Variants in ZNF831 observed in about 807,000 individuals in gnomAD.
ZNF831 encodes chromosome 20 open reading frame 174.
In ZNF831, 59 loss-of-function variants were observed where a neutral mutation model predicts 95.8. The observed-to-expected ratio is 0.62, with a 90% confidence interval of 0.50 to 0.77. The LOEUF (loss-of-function observed/expected upper bound fraction) is 0.77. ZNF831 is among the 30% of genes least tolerant of loss of function. The pLI, the probability that ZNF831 is intolerant of heterozygous loss-of-function variation, is 0.00. For missense variants in ZNF831, 2,205 were observed against 2,164.0 expected, an observed-to-expected ratio of 1.02 and a Z score of -0.38; for synonymous variants, 961 against 925.5, an observed-to-expected ratio of 1.04 and a Z score of -0.70.
Position 59,191,652 on chromosome 20 carries a change from C to T in ZNF831, c.633C>T (p.Gly211=), listed in dbSNP as rs2146551181. ...RLSSESEGAG[G]GLLEEGDKAG... Reference sequence around the variant, plus strand: ...CCTCAGAGTCCGAGGGCGCCGGGGGCGGCCTCCTGGAGGAAGGGGACAAGG... The same window carrying T: ...CCTCAGAGTCCGAGGGCGCCGGGGGTGGCCTCCTGGAGGAAGGGGACAAGG... The change falls in exon 2 of 6, where the codon GGC becomes GGT. Residue 211 remains glycine (G), a synonymous_variant. Coordinates refer to ENST00000371030, the MANE Select transcript of ZNF831 (RefSeq NM_178457.3). 2 of 1,562,182 alleles carry T rather than the reference C, an allele frequency of 1.3e-6. No homozygotes were observed. The highest frequency in any genetic ancestry group is 1.7e-6 in the Non-Finnish European group (2 of 1,153,956).
intron 4 of ZNF831, among the ~76,000 whole-genome samples, chr20:59,239,711 G>A (rs573051061): frequency 8.6e-5 from 13 of 152,040 alleles, no homozygotes; most frequent in African/African-American, 3.1e-4. Context: ...CGCCTGGCTA[G>A]TTTTTGTATT....
In ZNF831 at chr20:59,194,592, T is replaced by C. The variant is rs1450113039; in HGVS notation, c.3573T>C (p.Ser1191=). 1 of 1,611,414 alleles carries C rather than the reference T, an allele frequency of 6.2e-7. No homozygotes were observed. Among genetic ancestry groups the C allele is most frequent in the South Asian group, 1.1e-5 (1 of 90,778 alleles). ...TCACGTGGTGTTGCCTGAGCCGCAG[T>C]GTCCCTCTGCCCGCGGAGCAGAAGG... ...PRLTWCCLSR[S]VPLPAEQKAK... is the part of the protein sequence containing the mutation. Residue 1191 remains serine, a synonymous_variant, in exon 2 of 6, where the codon AGT becomes AGC. Coordinates refer to ENST00000371030, the MANE Select transcript of ZNF831 (RefSeq NM_178457.3).
chr20:59,196,635 A>G (rs1211833833), intron 3 of ZNF831, among the ~76,000 whole-genome samples: 3 of 151,678 alleles, frequency 2.0e-5, no homozygotes, highest in African/African-American at 4.8e-5. Context: ...TTCTACCCTC[A>G]TTTTCCCTGT....
intron 4 of ZNF831, among the ~76,000 whole-genome samples, chr20:59,244,267 A>T (rs1267484134): frequency 2.6e-5 from 4 of 152,222 alleles, no homozygotes; most frequent in Admixed American, 6.5e-5. Context: ...ATTTGGCTAG[A>T]GGTGGAAAAA....
intron 1 of ZNF831, among the ~76,000 whole-genome samples, chr20:59,142,511 G>A (rs149769146): frequency 6.6e-6 from 1 of 152,202 alleles, no homozygotes; most frequent in South Asian, 2.1e-4. Flanking sequence ...CGTAGCCGTG[G>A]AAGAGCACAA....
chr20:59,150,042 T>C (rs1980135642), intron 2 of ZNF831, among the ~76,000 whole-genome samples: 1 of 152,232 alleles, frequency 6.6e-6, no homozygotes, highest in Admixed American at 6.5e-5. Context: ...ACGGGCTCTG[T>C]TGATAAAAAC....
intron 1 of ZNF831, among the ~76,000 whole-genome samples, chr20:59,186,292 G>A (rs1014249603): frequency 6.6e-6 from 1 of 152,128 alleles, no homozygotes; most frequent in Non-Finnish European, 1.5e-5. Flanking sequence ...AACCCACCCC[G>A]AGACAGCATC....
At chr20:59,180,244 T>C (rs1982505936) in intron 1 of ZNF831, among the ~76,000 whole-genome samples, 1 of 152,080 alleles carries the variant, frequency 6.6e-6, no homozygotes, top group Non-Finnish European at 1.5e-5. Context: ...TGTACCACCA[T>C]GCCTGCCTAA....
chr20:59,162,549 G>A (rs919737499), upstream of ZNF831, among the ~76,000 whole-genome samples: 3 of 152,128 alleles, frequency 2.0e-5, no homozygotes, highest in Non-Finnish European at 2.9e-5. Context: ...TGAATAGGGG[G>A]TCCTTTCTTT....
At chr20:59,129,797 G>A (rs1054100844) in intron 1 of ZNF831, among the ~76,000 whole-genome samples, 2 of 152,176 alleles carry the variant, frequency 1.3e-5, no homozygotes, top group African/African-American at 2.4e-5. Context: ...ACGGTGTGCA[G>A]GATTGGCCTT....
At position 59,194,228 on chromosome 20, in the gene ZNF831, G is replaced by T; in HGVS notation, c.3209G>T (p.Gly1070Val). 6.2e-7 allele frequency: 1 copy of T among 1,613,744 alleles called. No individual in the cohort carries two copies. Among genetic ancestry groups the T allele is most frequent in the Non-Finnish European group, 8.5e-7 (1 of 1,179,878 alleles). Residue 1070 changes from glycine (G) to valine (V), a missense_variant, in exon 2 of 6, where the codon GGT becomes GTT. Transcript: ENST00000371030. ...CEAHLVQDMEGDSHRIHRLCM... is the reference protein window; with the variant it reads ...CEAHLVQDMEVDSHRIHRLCM... ...GCACACTTAGTTCAGGACATGGAGG[G>T]TGACAGCCACCGTATCCATCGCCTC...
At chr20:59,177,028 A>G in intron 1 of ZNF831, among the ~76,000 whole-genome samples, 1 of 152,046 alleles carries the variant, frequency 6.6e-6, no homozygotes, top group East Asian at 1.9e-4. Flanking sequence ...CACAACAGCC[A>G]GCAGAGGTCA....
At chr20:59,168,655 C>G (rs945993244) in intron 1 of ZNF831, among the ~76,000 whole-genome samples, 1 of 151,980 alleles carries the variant, frequency 6.6e-6, no homozygotes, top group Non-Finnish European at 1.5e-5. Context: ...GAGTGGACAT[C>G]TTTCTTTTTC....
intron 4 of ZNF831, among the ~76,000 whole-genome samples, chr20:59,237,597 G>C (rs1987072331): frequency 6.6e-6 from 1 of 152,184 alleles, no homozygotes; most frequent in Non-Finnish European, 1.5e-5. Context: ...TGCATCCCAG[G>C]TGTTGGGATT....
chr20:59,227,775 T>C (rs1986508751), intron 4 of ZNF831, among the ~76,000 whole-genome samples: 1 of 152,178 alleles, frequency 6.6e-6, no homozygotes, highest in African/African-American at 2.4e-5. Context: ...ATGTTTCTGA[T>C]GGATCAGTCA....
In ZNF831 at chr20:59,254,303, A is replaced by G. The variant is rs2146767511; in HGVS notation, c.4594A>G (p.Lys1532Glu). The change falls in exon 6 of 6, where the codon AAA becomes GAA. Residue 1532 changes from lysine to glutamate, a missense_variant. Transcript: ENST00000371030. The surrounding 1 kb of genome is among the most constrained non-coding windows in gnomAD (Gnocchi z 4.5). ...TCTGACATCAAGCTCCCCAGACAGC[A>G]AAGTCACAGAAGAGGGCAGAGCACA... is the stretch of plus-strand genomic sequence containing the variant. ...RTLTSSSPDS[K>E]VTEEGRAQTL... The G allele has an allele frequency of 1.9e-6, 3 of 1,614,110 alleles. No individual in the cohort carries two copies. Among genetic ancestry groups the G allele is most frequent in the Non-Finnish European group, 2.5e-6 (3 of 1,179,998 alleles).
chr20:59,207,738 T>C (rs1022122222), intron 4 of ZNF831, among the ~76,000 whole-genome samples: 15 of 152,236 alleles, frequency 9.9e-5, no homozygotes, highest in Non-Finnish European at 2.1e-4. Context: ...TGCTTGATTG[T>C]TGATTGGGAA....
intron 1 of ZNF831, among the ~76,000 whole-genome samples, chr20:59,182,215 C>T (rs994022718): frequency 6.6e-6 from 1 of 152,144 alleles, no homozygotes; most frequent in Admixed American, 6.5e-5. Flanking sequence ...AGGTCAGCTC[C>T]CTGTGCTGTG....
At chr20:59,234,632 A>G (rs1986902016) in intron 4 of ZNF831, among the ~76,000 whole-genome samples, 1 of 152,176 alleles carries the variant, frequency 6.6e-6, no homozygotes, top group Non-Finnish European at 1.5e-5. Context: ...GGTTTTAGAG[A>G]CAGTCTAGGT....
Sources: gnomAD v4.1 joint callset for allele counts (sites outside exome capture counted in the v4.1 genomes callset) on GRCh38, gnomAD v4.1.1 for gene constraint, Gnocchi (gnomAD v3.1) non-coding constraint, MANE v1.5 for transcripts, NCBI Gene and HGNC (gene_info 2026-07-23, HGNC 2026-07-21) for gene names.